UEVLD: variants seen among roughly 807,000 people sequenced by gnomAD.
UEVLD encodes the protein ubiquitin-conjugating enzyme E2 variant 3.
A neutral mutation model predicts 58.6 loss-of-function variants in UEVLD; 47 were observed. The observed-to-expected ratio is 0.80, with a 90% CI of 0.63 to 1.02. The LOEUF is 1.02. Ranked by LOEUF, UEVLD falls within the 50% of genes least tolerant of loss-of-function variation. The pLI is 0.00. For synonymous variants in UEVLD, 197 were observed against 195.3 expected, an observed-to-expected ratio of 1.01 and a Z score of -0.07; for missense variants, 510 against 550.6, an observed-to-expected ratio of 0.93 and a Z score of 0.74.
chr11:18,532,345 CTG>C lies in UEVLD; in HGVS notation c.1389_1390del (p.His463GlnfsTer22), dbSNP rs1565102519. 5.0e-6 allele frequency: 8 copies of C among 1,610,032 alleles called. 1 individual carries two copies. Among genetic ancestry groups the C allele is most frequent in the South Asian group, 4.4e-5 (4 of 90,052 alleles). On this transcript the variant is annotated frameshift_variant, in exon 12 of 12. Coordinates refer to ENST00000396197, the MANE Select transcript of UEVLD (RefSeq NM_001040697.4). LOFTEE classifies it high-confidence loss of function. ...TCAAAGTTTTAACTGTTGTTGGAGA[CTG>C]TGGATTGAGGATGCACTGCTTTGGA...
chr11:18,559,139 G>A (rs1402563115), intron 6 of UEVLD, among the ~76,000 whole-genome samples: 4 of 151,942 alleles, frequency 2.6e-5, no homozygotes, highest in East Asian at 3.9e-4. Context: ...CTCCCAAAGT[G>A]CTGGAATTAC....
At chr11:18,582,067 C>A (rs181822940) in intron 1 of UEVLD, among the ~76,000 whole-genome samples, 9 of 149,914 alleles carry the variant, frequency 6.0e-5, no homozygotes, top group African/African-American at 2.3e-4. Flanking sequence ...CCAAACACTA[C>A]ACAAATGTAC....
intron 2 of UEVLD, among the ~76,000 whole-genome samples, chr11:18,575,846 T>C (rs1348520654): frequency 1.3e-5 from 2 of 151,716 alleles, no homozygotes; most frequent in East Asian, 2.0e-4. Flanking sequence ...TAATTGTCAA[T>C]GTCAGTTGCA....
intron 1 of UEVLD, among the ~76,000 whole-genome samples, chr11:18,582,924 T>C (rs936938554): frequency 1.3e-5 from 2 of 152,118 alleles, no homozygotes. Context: ...AGAAGACTGA[T>C]ATTTCTTTTT....
At chr11:18,582,403 A>C (rs114439080) in intron 1 of UEVLD, among the ~76,000 whole-genome samples, 2,887 of 113,380 alleles carry the variant, frequency 0.025, 126 homozygotes, top group African/African-American at 0.091. Flanking sequence ...GGAAAATATT[A>C]GCTTTTTTTT....
At chr11:18,536,081 C>T (rs145243095) in intron 10 of UEVLD, among the ~76,000 whole-genome samples, 7 of 152,320 alleles carry the variant, frequency 4.6e-5, no homozygotes, top group African/African-American at 1.7e-4. Context: ...CTGCAGTGAG[C>T]CGAGATCGCG....
intron 6 of UEVLD, among the ~76,000 whole-genome samples, chr11:18,560,817 C>T (rs777683922): frequency 2.0e-5 from 3 of 151,980 alleles, no homozygotes; most frequent in Non-Finnish European, 4.4e-5. Context: ...TTGAGAGCCC[C>T]GTAGCCAACA....
chr11:18,530,451 C>T lies in UEVLD; in HGVS notation c.*1869G>A, dbSNP rs182494467. 5.5e-4 allele frequency: 84 copies of T among 152,320 alleles called. 1 individual carries two copies. Among genetic ancestry groups the T allele is most frequent in the African/African-American group, 2.0e-3 (82 of 41,568 alleles). The allele number at this position is 152,320 out of a possible 1,614,324, so 9.4% of individuals were successfully genotyped here. On this transcript the variant is annotated 3_prime_UTR_variant, in exon 12 of 12. Coordinates refer to ENST00000396197, the MANE Select transcript of UEVLD (RefSeq NM_001040697.4). ...TCATCATTATAAGCATTCCTTATTA[C>T]ACTAAAACAGCATTAGTTTGCCTAT...
intron 1 of UEVLD, among the ~76,000 whole-genome samples, chr11:18,588,370 G>A (rs930236024): frequency 6.6e-6 from 1 of 152,154 alleles, no homozygotes; most frequent in Non-Finnish European, 1.5e-5. Flanking sequence ...CAGTGAAGCT[G>A]GGGGTATGAG....
intron 1 of UEVLD, among the ~76,000 whole-genome samples, chr11:18,586,874 C>A (rs556715690): frequency 1.5e-5 from 2 of 136,234 alleles, no homozygotes; most frequent in Non-Finnish European, 3.4e-5. Flanking sequence ...ACTAAAAATA[C>A]AAAAAAAATT....
chr11:18,546,940 G>C lies in UEVLD; in HGVS notation c.826C>G (p.Leu276Val), dbSNP rs1273148905. 6.2e-7 allele frequency: 1 copy of C among 1,614,066 alleles called. No homozygotes were observed. The highest frequency in any genetic ancestry group is 1.1e-5 in the South Asian group (1 of 91,056). Reference protein sequence around the residue: ...VQSNVDMFRALVPALGHYSQH... With the variant: ...VQSNVDMFRAVVPALGHYSQH... ...CTATAATGTCCCAGAGCTGGGACAA[G>C]GGCTCTGAACATATCCACATTGCTC... Residue 276 changes from leucine (L) to valine (V), a missense_variant, in exon 8 of 12, where the codon CTT becomes GTT. By Grantham distance (32) the Leu-to-Val change is conservative. Coordinates refer to ENST00000396197, the MANE Select transcript of UEVLD (RefSeq NM_001040697.4).
At chr11:18,543,050 G>GT (rs1365927865) in intron 9 of UEVLD, among the ~76,000 whole-genome samples, 2 of 151,882 alleles carry the variant, frequency 1.3e-5, no homozygotes, top group Non-Finnish European at 2.9e-5. Flanking sequence ...GTGCTGCCAT[G>GT]CCTAGCTAAT....
At chr11:18,571,239 T>TG (rs1374086621) in intron 3 of UEVLD, among the ~76,000 whole-genome samples, 5 of 151,954 alleles carry the variant, frequency 3.3e-5, no homozygotes, top group Admixed American at 2.0e-4. Flanking sequence ...CCCAGATACT[T>TG]GGGGGGCTGA....
chr11:18,586,863 T>A (rs1234114171), intron 1 of UEVLD, among the ~76,000 whole-genome samples: 1 of 151,352 alleles, frequency 6.6e-6, no homozygotes, highest in Non-Finnish European at 1.5e-5. Context: ...ACCTCGTCGC[T>A]ACTAAAAATA....
chr11:18,534,105 T>C (rs1241026067), intron 11 of UEVLD, among the ~76,000 whole-genome samples: 1 of 152,174 alleles, frequency 6.6e-6, no homozygotes, highest in African/African-American at 2.4e-5. Flanking sequence ...CAAAGTTTTG[T>C]TTTTGTTTTT....
intron 7 of UEVLD, among the ~76,000 whole-genome samples, chr11:18,557,194 C>T (rs1851789602): frequency 6.6e-6 from 1 of 151,770 alleles, no homozygotes; most frequent in Admixed American, 6.6e-5. Flanking sequence ...ACTCTGTCGC[C>T]CAGGCTGGAG....
At chr11:18,575,681 G>A (rs900037728) in intron 2 of UEVLD, among the ~76,000 whole-genome samples, 2 of 152,164 alleles carry the variant, frequency 1.3e-5, no homozygotes, top group African/African-American at 4.8e-5. Flanking sequence ...CCACTTAGAG[G>A]AATGTGACTT....
In UEVLD at chr11:18,532,213, G is replaced by A. The variant is rs1313170031; in HGVS notation, c.*107C>T. ...ACCCTCTACTTTAACCAAGCAGTTT[G>A]TAAAAGTAAGTAGCAGGATACAGAA... is the stretch of plus-strand genomic sequence containing the variant. On this transcript the variant is annotated 3_prime_UTR_variant, in exon 12 of 12. Transcript: ENST00000396197. The A allele has an allele frequency of 1.0e-5, 11 of 1,102,654 alleles. No homozygotes were observed. The allele number at this position is 1,102,654 out of a possible 1,614,324, so 68.3% of individuals were successfully genotyped here. A position where few individuals can be genotyped will look rare whatever the true frequency, so the allele number is the denominator to read the frequency against.
In UEVLD at chr11:18,534,401, A is replaced by G. The variant is rs749678241; in HGVS notation, c.1177T>C (p.Ser393Pro). ...KGQRSWSVGL[S>P]VADMVDSIVN... ...ATACTGTCAACCATGTCAGCTACTG[A>G]TAGTCCAACAGACCAGGATCTTTGA... Residue 393 changes from serine (S) to proline (P), a missense_variant, in exon 11 of 12, where the codon TCA becomes CCA. Physicochemically the swap from Ser to Pro is moderately conservative, Grantham distance 74. Transcript: ENST00000396197. The G allele has an allele frequency of 2.3e-5, 37 of 1,581,676 alleles. No homozygotes were observed. In the African/African-American group the frequency reaches 2.7e-4, roughly 12 times the overall value.
Sources: allele counts gnomAD v4.1 joint callset (sites outside exome capture counted in the v4.1 genomes callset), GRCh38; gene constraint gnomAD v4.1.1; transcripts MANE v1.5; gene names NCBI Gene and HGNC (gene_info 2026-07-23, HGNC 2026-07-21).